Variants in USP34 observed in about 807,000 individuals in gnomAD.
USP34 encodes ubiquitin carboxyl-terminal hydrolase 34.
Under a neutral mutation model 460.3 loss-of-function variants are expected in USP34, and 70 were observed. The observed-to-expected ratio is 0.15, with a 90% CI of 0.13 to 0.19. The LOEUF (loss-of-function observed/expected upper bound fraction) is 0.19, where lower values mean the gene tolerates loss of function less well. Ranked by LOEUF, USP34 falls within the 10% of genes least tolerant of loss-of-function variation. The pLI is 1.00. For synonymous variants in USP34, 1,647 were observed against 1,405.3 expected, an observed-to-expected ratio of 1.17 and a Z score of -3.85; for missense variants, 3,985 against 4,236.2, an observed-to-expected ratio of 0.94 and a Z score of 1.65.
At position 61,205,001 on chromosome 2, in the gene USP34, T is replaced by G. The variant is rs190324896; in HGVS notation, c.9155-400A>C. On this transcript the variant is annotated intron_variant, in intron 72 of 79. Transcript: ENST00000398571. Reference sequence around the variant, plus strand: ...TCCCAAGTAGCTGAAACTACCGGCATGCACCACCACACCCAGCTATTTTTT... The same window carrying G: ...TCCCAAGTAGCTGAAACTACCGGCAGGCACCACCACACCCAGCTATTTTTT... Among the ~76,000 whole-genome samples the G allele has an allele frequency of 2.6e-4, 39 of 152,202 alleles. 1 individual carries two copies. In the East Asian group the frequency reaches 7.3e-3, roughly 29 times the overall value.
Position 61,291,586 on chromosome 2 carries a change from G to C in USP34, c.4548+1878C>G, listed in dbSNP as rs1294304834. ...CAAAGATTTATGAATGAATGTGTTTGTGTGTGCATATATATGTGTACACAC... is the reference window on the plus strand; with the variant it reads ...CAAAGATTTATGAATGAATGTGTTTCTGTGTGCATATATATGTGTACACAC... On this transcript the variant is annotated intron_variant, in intron 33 of 79. Transcript: ENST00000398571. 3.9e-5 allele frequency among the ~76,000 whole-genome samples: 6 copies of C among 152,274 alleles called. No individual in the cohort carries two copies. In the East Asian group the frequency reaches 7.7e-4, roughly 20 times the overall value.
intron 76 of USP34, 92 bp from the exon 77 acceptor site, chr2:61,190,750 G>A (rs528805918): frequency 4.1e-5 from 59 of 1,444,572 alleles, no homozygotes; most frequent in Middle Eastern, 2.6e-4. Context: ...ATACACTTGT[G>A]TATGATGGAA....
In USP34 at chr2:61,348,746, A is replaced by G; in HGVS notation, c.1674+10T>C. 6.2e-7 allele frequency: 1 copy of G among 1,603,802 alleles called. No homozygotes were observed. The highest frequency in any genetic ancestry group is 8.5e-7 in the Non-Finnish European group (1 of 1,177,070). ...AATGCCTATAAAAGAAGAAAAACCT[A>G]TTTTCATACCTCTGTGTCTGAAAGT... On this transcript the variant is annotated intron_variant, in intron 14 of 79. Coordinates refer to ENST00000398571, the MANE Select transcript of USP34 (RefSeq NM_014709.4).
intron 10 of USP34, among the ~76,000 whole-genome samples, chr2:61,366,825 A>T (rs1242257010): frequency 6.6e-6 from 1 of 152,142 alleles, no homozygotes; most frequent in African/African-American, 2.4e-5. Context: ...ACGCAGGAGG[A>T]TCGCTTGAGC....
At chr2:61,429,060 G>T (rs998053416) in intron 1 of USP34, among the ~76,000 whole-genome samples, 1 of 152,156 alleles carries the variant, frequency 6.6e-6, no homozygotes, top group Non-Finnish European at 1.5e-5. Flanking sequence ...ATGCGCTTTG[G>T]GAAGAAAAGG....
chr2:61,383,669 G>A (rs753091502), intron 5 of USP34, among the ~76,000 whole-genome samples: 37 of 152,096 alleles, frequency 2.4e-4, no homozygotes, highest in Non-Finnish European at 1.6e-4. Context: ...GTGGTGAGCC[G>A]AGATTGTGCC....
In USP34 at chr2:61,214,177, A is replaced by G; in HGVS notation, c.8565T>C (p.Tyr2855=). The change falls in exon 68 of 80, where the codon TAT becomes TAC. Residue 2855 remains tyrosine (Y), a synonymous_variant. Transcript: ENST00000398571. ...LFNRGMLPAY[Y]GILRLCCEQS... Reference sequence around the variant, plus strand: ...GCTCACAGCAGAGCCTCAGAATGCCATAGTACGCTGGCAGCATCCCACGGT... The same window carrying G: ...GCTCACAGCAGAGCCTCAGAATGCCGTAGTACGCTGGCAGCATCCCACGGT... The G allele has an allele frequency of 1.9e-6, 3 of 1,614,214 alleles. No homozygotes were observed. The highest frequency in any genetic ancestry group is 2.5e-6 in the Non-Finnish European group (3 of 1,180,040).
chr2:61,452,304 T>C (rs894874304), intron 1 of USP34, among the ~76,000 whole-genome samples: 4 of 149,618 alleles, frequency 2.7e-5, no homozygotes, highest in Non-Finnish European at 4.5e-5. Context: ...GGCTCGTGCC[T>C]ATAATTCCCG....
chr2:61,339,502 A>ACTT, intron 17 of USP34, 24 bp from the exon 18 acceptor site: 1 of 1,560,692 alleles, frequency 6.4e-7, no homozygotes, highest in Non-Finnish European at 8.7e-7. Flanking sequence ...ATATAAAATT[A>ACTT]CTATTTATCC....
intron 3 of USP34, among the ~76,000 whole-genome samples, chr2:61,404,026 A>T (rs1693797167): frequency 7.0e-6 from 1 of 143,040 alleles, no homozygotes; most frequent in African/African-American, 2.5e-5. Flanking sequence ...AAAGCTTTAG[A>T]ACAGTAAGGA....
Position 61,350,311 on chromosome 2 carries a change from T to C in USP34, c.1456A>G (p.Ser486Gly). The C allele has an allele frequency of 6.2e-7, 1 of 1,613,230 alleles. No homozygotes were observed. Among genetic ancestry groups the C allele is most frequent in the South Asian group, 1.1e-5 (1 of 90,970 alleles). ...LAAKAQLSKQ[S>G]SFASLLNTNI... Reference sequence around the variant, plus strand: ...GTATTTAATAAAGATGCAAAAGAACTCTGTTTAGATAACTGAGCCTTAGCT... The same window carrying C: ...GTATTTAATAAAGATGCAAAAGAACCCTGTTTAGATAACTGAGCCTTAGCT... Residue 486 changes from serine (S) to glycine (G), a missense_variant, in exon 12 of 80, where the codon AGT (serine) becomes GGT (glycine). This residue lies in a region of USP34 where 716 missense variants were observed against 626.2 expected (regional missense o/e 1.14). Transcript: ENST00000398571.
rs760449021 is a variant in USP34, at chr2:61,204,295, G to C, written c.9345C>G (p.Leu3115=). The change falls in exon 74 of 80, where the codon CTC becomes CTG. Residue 3115 remains leucine (L), a synonymous_variant. Transcript: ENST00000398571. ...CCATTGTGGGCAAGAGGCACATATT[G>C]AGTTCAGGGCGCGGAGGCCGAATAT... ...KSNIRPPRPE[L]NMCLLPTMVE... 1 of 1,614,184 alleles carries C rather than the reference G, an allele frequency of 6.2e-7. No homozygotes were observed. The highest frequency in any genetic ancestry group is 8.5e-7 in the Non-Finnish European group (1 of 1,180,030).
intron 58 of USP34, among the ~76,000 whole-genome samples, chr2:61,230,753 A>G (rs1156994971): frequency 6.6e-6 from 1 of 151,778 alleles, no homozygotes; most frequent in African/African-American, 2.4e-5. Context: ...CTGAGGCAGG[A>G]GAATCACTTG....
chr2:61,326,166 G>A (rs1343971797), intron 20 of USP34, among the ~76,000 whole-genome samples: 3 of 151,984 alleles, frequency 2.0e-5, no homozygotes, highest in African/African-American at 7.2e-5. Flanking sequence ...GACCATGTTT[G>A]GGGTGGAGGT....
chr2:61,324,782 A>G (rs1466038334), intron 21 of USP34, among the ~76,000 whole-genome samples: 1 of 152,088 alleles, frequency 6.6e-6, no homozygotes, highest in Non-Finnish European at 1.5e-5. Flanking sequence ...AAAAAGAAAG[A>G]GAAAAGGTCT....
chr2:61,311,541 A>G lies in USP34; in HGVS notation c.3816T>C (p.Pro1272=). 6.3e-7 allele frequency: 1 copy of G among 1,582,594 alleles called. No individual in the cohort carries two copies. Among genetic ancestry groups the G allele is most frequent in the Non-Finnish European group, 8.6e-7 (1 of 1,167,422 alleles). Residue 1272 remains proline (P), a splice_region_variant and synonymous_variant, in exon 27 of 80, where the codon CCT becomes CCC. Transcript: ENST00000398571. ...FGQSNRKGEF[P]GGLMGPVRMI... is the part of the protein sequence containing the mutation. ...GAAAATTTGAATTGAAAGGCTTACC[A>G]GGAAACTCTCCTTTTCGGTTGCTTT...
In USP34 at chr2:61,266,014, G is replaced by T; in HGVS notation, c.5587C>A (p.His1863Asn). ...KGSVENYRLI[H>N]NWVMAQHMQS... ...ATGTGTTGTGCCATAACCCAGTTGT[G>T]TATTAGCCTGTAGTTCTCAACAGAC... Residue 1863 changes from histidine to asparagine, a missense_variant, in exon 42 of 80, where the codon CAC becomes AAC. Transcript: ENST00000398571. The T allele has an allele frequency of 6.2e-7, 1 of 1,612,780 alleles. No individual in the cohort carries two copies. The highest frequency in any genetic ancestry group is 1.1e-5 in the South Asian group (1 of 90,944).
intron 2 of USP34, among the ~76,000 whole-genome samples, chr2:61,418,592 T>C (rs1442039991): frequency 1.3e-5 from 2 of 152,218 alleles, no homozygotes; most frequent in Middle Eastern, 3.2e-3. Context: ...TAAGAATGCA[T>C]TTTGCAGATT....
In USP34 at chr2:61,190,376, A is replaced by G. The variant is rs1686600420; in HGVS notation, c.9768T>C (p.Asn3256=). The G allele has an allele frequency of 6.2e-7, 1 of 1,612,182 alleles. No individual in the cohort carries two copies. Among genetic ancestry groups the G allele is most frequent in the Non-Finnish European group, 8.5e-7 (1 of 1,179,458 alleles). The change falls in exon 78 of 80, where the codon AAT becomes AAC. Residue 3256 remains asparagine (N), a synonymous_variant. Transcript: ENST00000398571. The part of the protein sequence containing the change: ...SQVFSEANCA[N]LISTLITNLI... ...AGTTTGTAATAAGAGTGCTGATCAAATTGGCACAGTTTGCTTCAGAAAACA... is the reference window on the plus strand; with the variant it reads ...AGTTTGTAATAAGAGTGCTGATCAAGTTGGCACAGTTTGCTTCAGAAAACA...
Sources: allele counts gnomAD v4.1 joint callset (sites outside exome capture counted in the v4.1 genomes callset), GRCh38; gene constraint gnomAD v4.1.1; regional missense constraint gnomAD v4.1.1; transcripts MANE v1.5; gene names NCBI Gene and HGNC (gene_info 2026-07-23, HGNC 2026-07-21).